C10orf143: variants seen among roughly 807,000 people sequenced by gnomAD.
The protein encoded by C10orf143 is chromosome 10 open reading frame 143, also known as uncharacterized protein C10orf143.
chr10:130,110,779 C>T lies in C10orf143; in HGVS notation c.-7G>A, dbSNP rs1281672982. The T allele has an allele frequency of 1.3e-5, 5 of 398,880 alleles. No individual in the cohort carries two copies. The highest frequency in any genetic ancestry group is 2.1e-5 in the African/African-American group (1 of 48,640). 24.7% of individuals were successfully genotyped at this position (398,880 alleles called of 1,614,324 possible). On this transcript the variant is annotated 5_prime_UTR_variant, in exon 1 of 4. Coordinates refer to ENST00000637128, the MANE Select transcript of C10orf143 (RefSeq NM_001355042.2). The stretch of plus-strand genomic sequence containing the variant: ...CGAGCGCTAAGCTGTCCATGCAGCC[C>T]CAGGGTCAAACCCTCCCGGCATCTC...
intron 1 of C10orf143, among the ~76,000 whole-genome samples, chr10:130,087,644 T>A (rs538828459): frequency 6.6e-6 from 1 of 152,246 alleles, no homozygotes; most frequent in South Asian, 2.1e-4. Context: ...CAAGTGAGCT[T>A]AATGAGTGAA....
intron 1 of C10orf143, among the ~76,000 whole-genome samples, chr10:130,087,657 G>A (rs1257464864): frequency 6.6e-6 from 1 of 152,154 alleles, no homozygotes; most frequent in Non-Finnish European, 1.5e-5. Context: ...TGAGTGAAGT[G>A]TCTATAAGGG....
At chr10:130,105,633 G>A (rs909940494) in intron 1 of C10orf143, among the ~76,000 whole-genome samples, 1 of 152,150 alleles carries the variant, frequency 6.6e-6, no homozygotes, top group Non-Finnish European at 1.5e-5. Flanking sequence ...CGGAGGCTAA[G>A]GCAAGAGAAT....
At chr10:130,101,039 G>A (rs1861540576) in intron 1 of C10orf143, 1 of 151,938 alleles carries the variant, frequency 6.6e-6, no homozygotes, top group East Asian at 1.9e-4. Context: ...CCAACATGGT[G>A]AAACCCCGTG....
At chr10:130,084,161 A>T (rs1861252746) in intron 1 of C10orf143, among the ~76,000 whole-genome samples, 1 of 152,008 alleles carries the variant, frequency 6.6e-6, no homozygotes, top group Admixed American at 6.6e-5. Flanking sequence ...ATACAAAAAA[A>T]AAATTAGCCA....
downstream of C10orf143, among the ~76,000 whole-genome samples, chr10:130,061,721 T>C (rs1293483634): frequency 6.6e-6 from 1 of 152,242 alleles, no homozygotes; most frequent in Non-Finnish European, 1.5e-5. Flanking sequence ...CATTTCACGC[T>C]CGTCATGGGT....
At chr10:130,046,138 A>T (rs1320829259) in intron 3 of C10orf143, among the ~76,000 whole-genome samples, 1 of 93,544 alleles carries the variant, frequency 1.1e-5, no homozygotes, top group Admixed American at 1.2e-4. Context: ...GGGCACAGGA[A>T]GGGGCAGGGC....
intron 3 of C10orf143, among the ~76,000 whole-genome samples, chr10:130,046,162 C>T: frequency 7.7e-6 from 1 of 130,330 alleles, no homozygotes; most frequent in South Asian, 2.5e-4. Context: ...AGGAGTGGGG[C>T]GAGAGGTGCT....
At chr10:130,087,571 C>A (rs1861312271) in intron 1 of C10orf143, among the ~76,000 whole-genome samples, 1 of 152,202 alleles carries the variant, frequency 6.6e-6, no homozygotes, top group Admixed American at 6.5e-5. Context: ...GCTGCCTGTC[C>A]TGAGGAGGCA....
intron 3 of C10orf143, among the ~76,000 whole-genome samples, chr10:130,058,372 C>T (rs1476008312): frequency 2.0e-5 from 3 of 152,084 alleles, no homozygotes; most frequent in Non-Finnish European, 4.4e-5. Context: ...TACTTCTTCT[C>T]TCAAGGAGTT....
At chr10:130,054,604 T>C (rs1339810299) in intron 3 of C10orf143, among the ~76,000 whole-genome samples, 2 of 152,238 alleles carry the variant, frequency 1.3e-5, no homozygotes, top group Non-Finnish European at 2.9e-5. Flanking sequence ...CACACTGTTT[T>C]CCATAGCGGC....
chr10:130,042,386 G>A (rs749490426), intron 3 of C10orf143, among the ~76,000 whole-genome samples: 34 of 152,320 alleles, frequency 2.2e-4, no homozygotes, highest in Admixed American at 4.6e-4. Flanking sequence ...TTTGTGAATG[G>A]ATAAATATGA....
intron 3 of C10orf143, among the ~76,000 whole-genome samples, chr10:130,076,673 A>G (rs1830015508): frequency 1.3e-5 from 2 of 152,048 alleles, no homozygotes; most frequent in African/African-American, 4.8e-5. Flanking sequence ...TCTTTTGATT[A>G]TTTTGGAGAC....
intron 3 of C10orf143, among the ~76,000 whole-genome samples, chr10:130,040,704 G>A (rs1040907718): frequency 1.9e-4 from 29 of 152,332 alleles, no homozygotes; most frequent in African/African-American, 6.5e-4. Context: ...TTGGTGGCGG[G>A]TGCCTGTAAT....
downstream of C10orf143, among the ~76,000 whole-genome samples, chr10:130,059,728 AAG>A (rs1008613140): frequency 4.6e-5 from 7 of 151,292 alleles, no homozygotes; most frequent in African/African-American, 7.2e-5. Flanking sequence ...GTGGAGGGGA[AAG>A]AGAGAGAGAG....
At chr10:130,110,573 G>A (rs1861748149) in intron 1 of C10orf143, 131 bp downstream of exon 1, 1 of 397,224 alleles carries the variant, frequency 2.5e-6, no homozygotes, top group Admixed American at 4.4e-5. Flanking sequence ...AGGGACGTAC[G>A]CGAGCGTGCG....
In C10orf143 at chr10:130,110,709, C is replaced by T. The variant is rs1355920597; in HGVS notation, c.64G>A (p.Asp22Asn). ...RRAEDLQVPGDVKRVCRRLEA... is the reference protein window; with the variant it reads ...RRAEDLQVPGNVKRVCRRLEA... ...CCCAGGCCCCGGGGGCTCACCACGTCCCCCGGAACCTGCAGATCCTCCGCC... is the reference window on the plus strand; with the variant it reads ...CCCAGGCCCCGGGGGCTCACCACGTTCCCCGGAACCTGCAGATCCTCCGCC... The change falls in exon 1 of 4, where the codon GAC (aspartate) becomes AAC (asparagine). Residue 22 changes from aspartate to asparagine, a missense_variant. Asp to Asn is a conservative substitution (Grantham distance 23). Coordinates refer to ENST00000637128, the MANE Select transcript of C10orf143 (RefSeq NM_001355042.2). 4 of 398,718 alleles carry T rather than the reference C, an allele frequency of 1.0e-5. No individual in the cohort carries two copies. Among genetic ancestry groups the T allele is most frequent in the Middle Eastern group, 6.2e-4 (1 of 1,610 alleles). The allele number at this position is 398,718 out of a possible 1,614,324, so 24.7% of individuals were successfully genotyped here.
intron 1 of C10orf143, chr10:130,107,623 A>C (rs1475597214): frequency 1.5e-6 from 2 of 1,338,746 alleles, no homozygotes; most frequent in African/African-American, 1.4e-5. Flanking sequence ...GTCGGCCTTC[A>C]TCTGAAACGA....
chr10:130,088,402 A>G (rs1044840240), intron 1 of C10orf143, among the ~76,000 whole-genome samples: 8 of 152,218 alleles, frequency 5.3e-5, no homozygotes, highest in Non-Finnish European at 1.2e-4. Flanking sequence ...TAAATTATAT[A>G]AATAAAATAC....
Sources: allele counts gnomAD v4.1 joint callset (sites outside exome capture counted in the v4.1 genomes callset), GRCh38; gene constraint gnomAD v4.1.1; transcripts MANE v1.5; gene names NCBI Gene and HGNC (gene_info 2026-07-23, HGNC 2026-07-21).